The following PLPPR1 variants were observed in gnomAD, a reference collection of about 807,000 sequenced individuals.
PLPPR1 encodes the protein phospholipid phosphatase-related protein type 1.
PLPPR1 carries 10 observed loss-of-function variants against 33.1 expected under a neutral mutation model. That is an observed-to-expected ratio of 0.30 (90% confidence interval 0.19 to 0.51). PLPPR1 has a LOEUF of 0.51. Ranked by LOEUF, PLPPR1 falls within the 20% of genes least tolerant of loss-of-function variation. The pLI, the probability that PLPPR1 is intolerant of heterozygous loss-of-function variation, is 0.97. For synonymous variants in PLPPR1, 151 were observed against 151.0 expected (o/e 1.00, Z 0.00); for missense variants, 304 against 408.1 (o/e 0.74, Z 2.20).
At chr9:101,044,126 C>T (rs1362053349) in intron 1 of PLPPR1, among the ~76,000 whole-genome samples, 1 of 152,190 alleles carries the variant, frequency 6.6e-6, no homozygotes, top group Non-Finnish European at 1.5e-5. Flanking sequence ...CGTCAAAGGA[C>T]TAATATCCAG....
At chr9:101,110,826 A>G (rs866002913) in intron 1 of PLPPR1, among the ~76,000 whole-genome samples, 2 of 152,154 alleles carry the variant, frequency 1.3e-5, no homozygotes, top group African/African-American at 4.8e-5. Context: ...AATTAGTAAT[A>G]GTTTATAAAG....
At chr9:101,090,745 AC>A (rs879433864) in intron 1 of PLPPR1, among the ~76,000 whole-genome samples, 7,050 of 99,086 alleles carry the variant, frequency 0.071, 274 homozygotes, top group East Asian at 0.15. Flanking sequence ...AAACAAACAA[AC>A]AAACAAACAG....
At position 101,148,052 on chromosome 9, in the gene PLPPR1, C is replaced by A. The variant is rs187099848; in HGVS notation, c.-45-37398C>A. Reference sequence around the variant, plus strand: ...ATGTGTGCAGTTAGGCTGTCATCAACCTGCCTCTCTGCTCCAAGTGGACGG... The same window carrying A: ...ATGTGTGCAGTTAGGCTGTCATCAAACTGCCTCTCTGCTCCAAGTGGACGG... On this transcript the variant is annotated intron_variant, in intron 1 of 7. Coordinates refer to ENST00000374874, the MANE Select transcript of PLPPR1 (RefSeq NM_207299.2). Among the ~76,000 whole-genome samples, 5 of 152,222 alleles carry A rather than the reference C, an allele frequency of 3.3e-5. No individual in the cohort carries two copies. The East Asian group carries it at 9.7e-4, about 29-fold the overall frequency.
intron 2 of PLPPR1, among the ~76,000 whole-genome samples, chr9:101,188,226 G>A (rs540738088): frequency 3.9e-4 from 60 of 152,008 alleles, no homozygotes; most frequent in African/African-American, 1.3e-3. Context: ...TCTTATTTTT[G>A]TCTCTTTGTG....
At chr9:101,051,240 T>C (rs962178244) in intron 1 of PLPPR1, among the ~76,000 whole-genome samples, 7 of 135,072 alleles carry the variant, frequency 5.2e-5, no homozygotes, top group African/African-American at 2.0e-4. Context: ...CCCTTCCAAT[T>C]CTTTGTTACT....
chr9:101,179,269 G>A (rs140294020), intron 1 of PLPPR1, among the ~76,000 whole-genome samples: 82 of 152,240 alleles, frequency 5.4e-4, no homozygotes, highest in African/African-American at 1.9e-3. Flanking sequence ...AGGAATGAAG[G>A]TTTGGGTCAC....
At chr9:101,166,122 G>C (rs901311764) in intron 1 of PLPPR1, among the ~76,000 whole-genome samples, 1 of 152,110 alleles carries the variant, frequency 6.6e-6, no homozygotes, top group African/African-American at 2.4e-5. Flanking sequence ...CTGCATCCCA[G>C]GCCCTGCCTC....
chr9:101,314,960 T>A (rs1049734085), intron 6 of PLPPR1, among the ~76,000 whole-genome samples: 4 of 150,898 alleles, frequency 2.7e-5, no homozygotes, highest in Admixed American at 6.6e-5. Context: ...AGGAACGCCT[T>A]TTAAAAACAT....
intron 1 of PLPPR1, among the ~76,000 whole-genome samples, chr9:101,180,257 T>G (rs1826087366): frequency 6.7e-6 from 1 of 149,532 alleles, no homozygotes; most frequent in African/African-American, 2.5e-5. Flanking sequence ...TGATTGATTA[T>G]GTCCCTCTGG....
intron 1 of PLPPR1, among the ~76,000 whole-genome samples, chr9:101,137,064 C>A (rs1045580779): frequency 2.6e-5 from 4 of 152,230 alleles, no homozygotes; most frequent in South Asian, 2.1e-4. Context: ...GTGGTTATTA[C>A]ACGTTGTATG....
At chr9:101,143,054 T>C (rs1371640146) in intron 1 of PLPPR1, among the ~76,000 whole-genome samples, 8 of 152,080 alleles carry the variant, frequency 5.3e-5, no homozygotes, top group Admixed American at 3.9e-4. Flanking sequence ...ACGGAGAAAG[T>C]GGATGGATCA....
intron 1 of PLPPR1, among the ~76,000 whole-genome samples, chr9:101,122,472 T>G (rs183102758): frequency 6.6e-6 from 1 of 152,200 alleles, no homozygotes. Context: ...GTATAAAGCT[T>G]AATTTTTTTT....
chr9:101,271,060 A>G (rs1828090873), intron 3 of PLPPR1, among the ~76,000 whole-genome samples: 1 of 152,210 alleles, frequency 6.6e-6, no homozygotes, highest in Non-Finnish European at 1.5e-5. Context: ...AAGATAAATA[A>G]TATGGGCATA....
At chr9:101,262,201 T>G (rs947911734) in intron 2 of PLPPR1, among the ~76,000 whole-genome samples, 21 of 152,354 alleles carry the variant, frequency 1.4e-4, no homozygotes, top group African/African-American at 4.6e-4. Context: ...CAGTCTCATT[T>G]AATCTTCATG....
chr9:101,281,262 G>A (rs1389420595), intron 3 of PLPPR1, among the ~76,000 whole-genome samples: 1 of 151,892 alleles, frequency 6.6e-6, no homozygotes, highest in African/African-American at 2.4e-5. Context: ...TCAAAAAATT[G>A]AGGACACAAA....
At chr9:101,185,709 G>A (rs902550013) in intron 2 of PLPPR1, 152 bp downstream of exon 2, 2 of 550,074 alleles carry the variant, frequency 3.6e-6, no homozygotes, top group African/African-American at 2.0e-5. Context: ...ACTATGCAAA[G>A]TGTTTCTTAA....
chr9:101,292,529 G>A (rs1490601417), intron 4 of PLPPR1, among the ~76,000 whole-genome samples: 1 of 151,810 alleles, frequency 6.6e-6, no homozygotes, highest in East Asian at 1.9e-4. Flanking sequence ...AAATGTTAAG[G>A]GCAGCCAGAG....
At chr9:101,132,921 T>A (rs1227153390) in intron 1 of PLPPR1, among the ~76,000 whole-genome samples, 1 of 152,198 alleles carries the variant, frequency 6.6e-6, no homozygotes, top group Non-Finnish European at 1.5e-5. Flanking sequence ...GGAACTTGTC[T>A]CTGTCTTGAA....
chr9:101,201,449 T>C (rs911092992), intron 2 of PLPPR1, among the ~76,000 whole-genome samples: 3 of 152,200 alleles, frequency 2.0e-5, no homozygotes, highest in Non-Finnish European at 2.9e-5. Flanking sequence ...TATTTTCAGC[T>C]CTGGAGTAAG....
Sources: allele counts gnomAD v4.1 joint callset (sites outside exome capture counted in the v4.1 genomes callset), GRCh38; gene constraint gnomAD v4.1.1; transcripts MANE v1.5; gene names NCBI Gene and HGNC (gene_info 2026-07-23, HGNC 2026-07-21).